Variants in WNT7B observed in about 807,000 individuals in gnomAD.
WNT7B encodes the protein Wnt family member 7B.
In WNT7B, 19 loss-of-function variants were observed where a neutral mutation model predicts 38.2. The observed-to-expected ratio is 0.50, with a 90% CI of 0.35 to 0.73. The LOEUF (loss-of-function observed/expected upper bound fraction) is 0.73, where lower values mean the gene tolerates loss of function less well. WNT7B is among the 30% of genes least tolerant of loss of function. The pLI is 0.01. For missense variants in WNT7B, 423 were observed against 507.9 expected (o/e 0.83, Z 1.61); for synonymous variants, 243 against 209.3 (o/e 1.16, Z -1.39).
intron 3 of WNT7B, among the ~76,000 whole-genome samples, chr22:45,929,869 C>T (rs1425247719): frequency 6.6e-6 from 1 of 151,224 alleles, no homozygotes; most frequent in East Asian, 1.9e-4. Flanking sequence ...TCCATCCATC[C>T]ATCCAACCAT....
Position 45,920,553 on chromosome 22 carries a change from CA to C in WNT7B, c.*2302del, listed in dbSNP as rs1376128360. 2 of 150,454 alleles carry C rather than the reference CA, an allele frequency of 1.3e-5. No individual in the cohort carries two copies. The highest frequency in any genetic ancestry group is 4.9e-5 in the African/African-American group (2 of 40,776). 9.3% of individuals were successfully genotyped at this position (150,454 alleles called of 1,614,324 possible). A position where few individuals can be genotyped will look rare whatever the true frequency, so the allele number is the denominator to read the frequency against. On this transcript the variant is annotated 3_prime_UTR_variant, in exon 4 of 4. Transcript: ENST00000339464. ...GGCAGGGGCTCAGTGGGGTGCCCGG[CA>C]GCCAAGGGACAGTGCGAGTGTCTCG...
At chr22:45,938,914 C>A (rs183708208) in intron 2 of WNT7B, among the ~76,000 whole-genome samples, 219 of 152,136 alleles carry the variant, frequency 1.4e-3, no homozygotes, top group African/African-American at 5.1e-3. Flanking sequence ...AATTTTCAAT[C>A]AAAAAATAAA....
chr22:45,948,909 A>G (rs558288773), intron 2 of WNT7B, among the ~76,000 whole-genome samples: 32 of 134,362 alleles, frequency 2.4e-4, no homozygotes, highest in African/African-American at 7.9e-4. Flanking sequence ...CAATGGTGCC[A>G]TCTCGGCTCA....
At position 45,965,700 on chromosome 22, in the gene WNT7B, C is replaced by T. The variant is rs977691942; in HGVS notation, c.71+10984G>A. 6.6e-6 allele frequency among the ~76,000 whole-genome samples: 1 copy of T among 152,196 alleles called. No individual in the cohort carries two copies. The highest frequency in any genetic ancestry group is 2.4e-5 in the African/African-American group (1 of 41,454). On this transcript the variant is annotated intron_variant, in intron 1 of 3. Transcript: ENST00000339464. The surrounding 1 kb of genome is among the most constrained non-coding windows in gnomAD (Gnocchi z 6.5). ...GGCGAAAGCAGGACAAGACCCAGAA[C>T]AGAAGGCCTCTGGGCTTCCCATACC...
chr22:45,948,863 G>T (rs760020064), intron 2 of WNT7B, among the ~76,000 whole-genome samples: 2 of 119,844 alleles, frequency 1.7e-5, no homozygotes, highest in Admixed American at 1.0e-4. Context: ...TTTTTCCCCT[G>T]AGACAGAGTC....
At chr22:45,929,698 AT>A (rs1170782350) in intron 3 of WNT7B, among the ~76,000 whole-genome samples, 3 of 144,290 alleles carry the variant, frequency 2.1e-5, no homozygotes, top group African/African-American at 5.4e-5. Flanking sequence ...CCATCCACCC[AT>A]CTTTCCATCC....
intron 3 of WNT7B, chr22:45,925,318 T>A (rs1364943973): frequency 1.0e-6 from 1 of 985,288 alleles, no homozygotes; most frequent in Non-Finnish European, 1.2e-6. Flanking sequence ...TTTTCTGCTC[T>A]GCATCAGTGA....
At chr22:45,946,021 G>A (rs192144101) in intron 2 of WNT7B, among the ~76,000 whole-genome samples, 5 of 152,238 alleles carry the variant, frequency 3.3e-5, no homozygotes, top group Non-Finnish European at 2.9e-5. Flanking sequence ...GCACGCAGTC[G>A]CTGCCCCAGG....
At chr22:45,931,702 A>C (rs1188911875) in intron 2 of WNT7B, among the ~76,000 whole-genome samples, 11 of 152,090 alleles carry the variant, frequency 7.2e-5, no homozygotes. Context: ...TGGGCAGGAG[A>C]GGCCCAGTTT....
intron 1 of WNT7B, among the ~76,000 whole-genome samples, chr22:45,958,372 T>G (rs1023911323): frequency 6.6e-6 from 1 of 152,126 alleles, no homozygotes; most frequent in Non-Finnish European, 1.5e-5. Flanking sequence ...TGACCAGAAT[T>G]AGAGCCACCC....
At chr22:45,953,531 T>C (rs1374374410) in intron 1 of WNT7B, among the ~76,000 whole-genome samples, 1 of 152,078 alleles carries the variant, frequency 6.6e-6, no homozygotes, top group Non-Finnish European at 1.5e-5. Flanking sequence ...CTGAAAGAAC[T>C]ACAACTCAAC....
In WNT7B at chr22:45,977,017, A is replaced by G; in HGVS notation, c.-263T>C. ...TCGAAGCCCGGTTGAGCGACCGTGGACCCCTGCAAGCGCGGGCCGGGGGCC... is the reference window on the plus strand; with the variant it reads ...TCGAAGCCCGGTTGAGCGACCGTGGGCCCCTGCAAGCGCGGGCCGGGGGCC... On this transcript the variant is annotated 5_prime_UTR_variant, in exon 1 of 4. Coordinates refer to ENST00000339464, the MANE Select transcript of WNT7B (RefSeq NM_058238.3). 4 of 985,258 alleles carry G rather than the reference A, an allele frequency of 4.1e-6. No individual in the cohort carries two copies. Among genetic ancestry groups the G allele is most frequent in the Non-Finnish European group, 4.8e-6 (4 of 830,350 alleles). 61.0% of individuals were successfully genotyped at this position (985,258 alleles called of 1,614,324 possible).
At position 45,964,521 on chromosome 22, in the gene WNT7B, G is replaced by T. The variant is rs4075685; in HGVS notation, c.71+12163C>A. On this transcript the variant is annotated intron_variant, in intron 1 of 3. Transcript: ENST00000339464. Reference sequence around the variant, plus strand: ...TGCCTTCCTAGTGGGGGTGTCAGCCGCACCTGGAAATTCCCAACACTTCCC... The same window carrying T: ...TGCCTTCCTAGTGGGGGTGTCAGCCTCACCTGGAAATTCCCAACACTTCCC... Among the ~76,000 whole-genome samples the T allele has an allele frequency of 3.3e-5, 5 of 152,090 alleles. No homozygotes were observed. The East Asian group carries it at 5.8e-4, about 18-fold the overall frequency.
At chr22:45,954,672 T>C (rs941201219) in intron 1 of WNT7B, 1 of 985,298 alleles carries the variant, frequency 1.0e-6, no homozygotes, top group African/African-American at 1.7e-5. Flanking sequence ...GCTCCTGCAC[T>C]GTATTTTGTG....
chr22:45,925,338 A>G, intron 3 of WNT7B: 5 of 985,328 alleles, frequency 5.1e-6, no homozygotes, highest in Non-Finnish European at 6.0e-6. Context: ...ATGCCCTTGG[A>G]CAAAGACTGG....
At chr22:45,970,881 C>T (rs778191224) in intron 1 of WNT7B, among the ~76,000 whole-genome samples, 22 of 152,248 alleles carry the variant, frequency 1.4e-4, no homozygotes, top group Non-Finnish European at 2.8e-4. Flanking sequence ...CTGCCCCGCC[C>T]CCCTCAGGCG....
intron 1 of WNT7B, chr22:45,972,408 C>G (rs2146756390): frequency 3.6e-6 from 1 of 274,620 alleles, no homozygotes; most frequent in East Asian, 6.5e-5. Context: ...GCCGCTAGGG[C>G]CGCGCATGGC....
intron 3 of WNT7B, among the ~76,000 whole-genome samples, chr22:45,930,319 T>C (rs1264514365): frequency 6.6e-6 from 1 of 152,250 alleles, no homozygotes; most frequent in African/African-American, 2.4e-5. Context: ...CCACTTTGCC[T>C]GGAACGGCAA....
At chr22:45,972,454 A>T (rs906839923) in intron 1 of WNT7B, 3 of 215,662 alleles carry the variant, frequency 1.4e-5, no homozygotes. Context: ...CTGGGGCTGG[A>T]GTGCGGGGCG....
Sources: gnomAD v4.1 joint callset for allele counts (sites outside exome capture counted in the v4.1 genomes callset) on GRCh38, gnomAD v4.1.1 for gene constraint, Gnocchi (gnomAD v3.1) non-coding constraint, MANE v1.5 for transcripts, NCBI Gene and HGNC (gene_info 2026-07-23, HGNC 2026-07-21) for gene names.